The following DNAH17 variants were observed in gnomAD, a reference collection of about 807,000 sequenced individuals.
The protein encoded by DNAH17 is axonemal beta dynein heavy chain 17.
Under a neutral mutation model 485.6 loss-of-function variants are expected in DNAH17, and 376 were observed. The ratio of observed to expected loss-of-function variants is 0.77; its 90% CI spans 0.71 to 0.84. The LOEUF (loss-of-function observed/expected upper bound fraction) is 0.84. Among genes scored for constraint, DNAH17 ranks in the 40% least tolerant of loss-of-function variants. The pLI is 0.00. For missense variants in DNAH17, 6,370 were observed against 5,839.3 expected (o/e 1.09, Z -2.96); for synonymous variants, 3,031 against 2,405.9 (o/e 1.26, Z -7.60).
In DNAH17 at chr17:78,514,622, G is replaced by A. The variant is rs613313; in HGVS notation, c.4113+152C>T. On this transcript the variant is annotated intron_variant, in intron 26 of 80. Coordinates refer to ENST00000389840, the MANE Select transcript of DNAH17 (RefSeq NM_173628.4). ...CCAGCGTGGAGCCCAGTGTGACTGCGCAGGTCACTTGTGCACGAAGCCAGC... is the reference window on the plus strand; with the variant it reads ...CCAGCGTGGAGCCCAGTGTGACTGCACAGGTCACTTGTGCACGAAGCCAGC... Among the ~76,000 whole-genome samples the A allele has an allele frequency of 0.53, 79,845 of 151,448 alleles. 21,348 individuals carry two copies. The highest frequency in any genetic ancestry group is 0.63 in the African/African-American group (25,729 of 40,948).
chr17:78,450,608 G>A (rs2146492244), intron 67 of DNAH17, 74 bp downstream of exon 67: 1 of 1,532,214 alleles, frequency 6.5e-7, no homozygotes, highest in East Asian at 2.4e-5. Flanking sequence ...TCTCATGGTA[G>A]GGAGGCGCCG....
rs1474383917 is a variant in DNAH17 at position 78,577,367 on chromosome 17, C to G, written c.-98G>C. On this transcript the variant is annotated 5_prime_UTR_variant, in exon 1 of 81. Transcript: ENST00000389840. ...CCCAAACCAGGAAAGAAAATGGCTCCCTTCCCTCGAGGGGCTCCAACTGCC... is the reference window on the plus strand; with the variant it reads ...CCCAAACCAGGAAAGAAAATGGCTCGCTTCCCTCGAGGGGCTCCAACTGCC... 1 of 152,264 alleles carries G rather than the reference C, an allele frequency of 6.6e-6. No homozygotes were observed. Among genetic ancestry groups the G allele is most frequent in the East Asian group, 1.9e-4 (1 of 5,198 alleles). 9.4% of individuals were successfully genotyped at this position (152,264 alleles called of 1,614,324 possible).
At chr17:78,524,751 C>T (rs937979299) in intron 25 of DNAH17, among the ~76,000 whole-genome samples, 44 of 151,856 alleles carry the variant, frequency 2.9e-4, no homozygotes, top group African/African-American at 8.0e-4. Flanking sequence ...AGGAAAAAGA[C>T]GAAGGGAGGG....
chr17:78,461,801 G>C (rs2088142749), intron 57 of DNAH17, 93 bp from the exon 58 acceptor site: 1 of 1,284,808 alleles, frequency 7.8e-7, no homozygotes, highest in Non-Finnish European at 1.1e-6. Context: ...AGCCACAGAG[G>C]GGCAGAACGG....
intron 43 of DNAH17, 25 bp downstream of exon 43, chr17:78,491,418 G>A (rs2089849449): frequency 1.2e-6 from 2 of 1,609,062 alleles, no homozygotes; most frequent in Admixed American, 1.7e-5. Context: ...GTGGCCTTGG[G>A]GCTTAGAGTC....
chr17:78,429,349 T>C, intron 75 of DNAH17, 49 bp from the exon 76 acceptor site: 1 of 1,583,340 alleles, frequency 6.3e-7, no homozygotes, highest in East Asian at 2.3e-5. Flanking sequence ...GTGCCCCTTC[T>C]CTGCCATGAG....
At chr17:78,499,190 C>T in intron 36 of DNAH17, 78 bp from the exon 37 acceptor site, 1 of 1,038,342 alleles carries the variant, frequency 9.6e-7, no homozygotes, top group Non-Finnish European at 1.4e-6. Flanking sequence ...CTCCCCCTGC[C>T]TCTTCGGCTG....
chr17:78,569,340 C>T (rs749015151), intron 8 of DNAH17, 35 bp downstream of exon 8: 2 of 1,610,046 alleles, frequency 1.2e-6, no homozygotes, highest in Non-Finnish European at 1.7e-6. Flanking sequence ...ACTCACTCGT[C>T]CTGCCTTGGC....
intron 30 of DNAH17, among the ~76,000 whole-genome samples, chr17:78,506,415 G>T (rs2090486404): frequency 6.6e-6 from 1 of 152,120 alleles, no homozygotes; most frequent in African/African-American, 2.4e-5. Flanking sequence ...GTGTCTTTCA[G>T]AAACAGTGTC....
chr17:78,542,598 G>A lies in DNAH17; in HGVS notation c.2532+1259C>T, dbSNP rs114022989. Among the ~76,000 whole-genome samples, 664 of 152,248 alleles carry A rather than the reference G, an allele frequency of 4.4e-3. 2 individuals carry two copies. Among genetic ancestry groups the A allele is most frequent in the African/African-American group, 0.015 (607 of 41,544 alleles). On this transcript the variant is annotated intron_variant, in intron 17 of 80. Coordinates refer to ENST00000389840, the MANE Select transcript of DNAH17 (RefSeq NM_173628.4). The stretch of plus-strand genomic sequence containing the variant: ...GAAAACCCCTACAATACAATGTCAG[G>A]ACTCCAGACAAAGCACCCAGGAATG...
At chr17:78,569,086 T>TA in intron 9 of DNAH17, 80 bp downstream of exon 9, 1 of 1,094,812 alleles carries the variant, frequency 9.1e-7, no homozygotes, top group South Asian at 1.4e-5. Context: ...GCAAGGGGGG[T>TA]AGGGATGGAC....
intron 69 of DNAH17, among the ~76,000 whole-genome samples, chr17:78,448,913 A>T (rs988695719): frequency 2.4e-4 from 37 of 152,342 alleles, no homozygotes; most frequent in Admixed American, 6.5e-5. Flanking sequence ...TTGTTTATAG[A>T]TTACTCAGCC....
chr17:78,440,059 GAGT>G (rs1384587190), intron 72 of DNAH17, among the ~76,000 whole-genome samples: 1 of 151,720 alleles, frequency 6.6e-6, no homozygotes, highest in Non-Finnish European at 1.5e-5. Flanking sequence ...TTGGCCTCCA[GAGT>G]AGCTGGGACC....
intron 16 of DNAH17, among the ~76,000 whole-genome samples, chr17:78,546,142 T>C (rs745698368): frequency 2.0e-5 from 3 of 152,084 alleles, no homozygotes; most frequent in Admixed American, 6.5e-5. Flanking sequence ...CTGAGCAACA[T>C]AGGAAGGCCC....
intron 54 of DNAH17, among the ~76,000 whole-genome samples, chr17:78,470,000 G>T (rs2088670888): frequency 6.6e-6 from 1 of 151,426 alleles, no homozygotes; most frequent in Non-Finnish European, 1.5e-5. Context: ...AGTGGTGATG[G>T]TCACACAACA....
Position 78,560,738 on chromosome 17 carries a change from A to AC in DNAH17, c.2031+1dup. ...GACGCGGTCCCCACTCCTGGCACCC[A>AC]CCGCTTTGCTGAAGTTGACGTGGAT... On this transcript the variant is annotated splice_donor_variant, in intron 13 of 80. Coordinates refer to ENST00000389840, the MANE Select transcript of DNAH17 (RefSeq NM_173628.4). LOFTEE classifies it high-confidence loss of function. 6.5e-7 allele frequency: 1 copy of AC among 1,547,932 alleles called. No homozygotes were observed. The highest frequency in any genetic ancestry group is 8.7e-7 in the Non-Finnish European group (1 of 1,144,404).
chr17:78,555,543 C>CAAAAAAAA lies in DNAH17; in HGVS notation c.2178+2557_2178+2564dup, dbSNP rs765954549. The stretch of plus-strand genomic sequence containing the variant: ...CGGGGAGAGGAGCAAGATTCCGTCA[C>CAAAAAAAA]AAAAAAAAAAAAAAAAAAAAAAAGA... On this transcript the variant is annotated intron_variant, in intron 14 of 80. Coordinates refer to ENST00000389840, the MANE Select transcript of DNAH17 (RefSeq NM_173628.4). 4.5e-3 allele frequency among the ~76,000 whole-genome samples: 347 copies of CAAAAAAAA among 77,630 alleles called. 28 individuals carry two copies. The highest frequency in any genetic ancestry group is 0.015 in the African/African-American group (274 of 17,796). 50.9% of individuals were successfully genotyped at this position (77,630 alleles called of 152,430 possible). A position where few individuals can be genotyped will look rare whatever the true frequency, so the allele number is the denominator to read the frequency against.
intron 20 of DNAH17, among the ~76,000 whole-genome samples, chr17:78,532,271 C>T (rs926397688): frequency 1.3e-5 from 2 of 152,194 alleles, no homozygotes; most frequent in Non-Finnish European, 2.9e-5. Context: ...GATGCTACCC[C>T]GTGCAGGCCT....
At chr17:78,518,934 C>T (rs771751167) in intron 25 of DNAH17, among the ~76,000 whole-genome samples, 37 of 151,776 alleles carry the variant, frequency 2.4e-4, no homozygotes, top group South Asian at 4.2e-4. Context: ...TTTGGGAAGC[C>T]GAAGTGGGCT....
Sources: gnomAD v4.1 joint callset for allele counts (sites outside exome capture counted in the v4.1 genomes callset) on GRCh38, gnomAD v4.1.1 for gene constraint, MANE v1.5 for transcripts, NCBI Gene and HGNC (gene_info 2026-07-23, HGNC 2026-07-21) for gene names.